PEX7: variants seen among roughly 807,000 people sequenced by gnomAD.
The protein encoded by PEX7 is peroxisomal biogenesis factor 7, also known as PTS2 receptor.
A neutral mutation model predicts 47.5 loss-of-function variants in PEX7; 34 were observed. The ratio of observed to expected loss-of-function variants is 0.72; its 90% CI spans 0.54 to 0.95. The LOEUF (loss-of-function observed/expected upper bound fraction) is 0.95, where lower values mean the gene tolerates loss of function less well. Among genes scored for constraint, PEX7 ranks in the 40% least tolerant of loss-of-function variants. The pLI is 0.00. For missense variants in PEX7, 394 were observed against 400.3 expected (o/e 0.98, Z 0.13); for synonymous variants, 141 against 148.8 (o/e 0.95, Z 0.38).
chr6:136,840,052 A>G (rs1298406359), intron 3 of PEX7, among the ~76,000 whole-genome samples: 2 of 152,208 alleles, frequency 1.3e-5, no homozygotes, highest in Admixed American at 1.3e-4. Flanking sequence ...GAGGCAAATG[A>G]AAGAGCATGC....
At chr6:136,881,648 G>C (rs1775378375) in intron 8 of PEX7, among the ~76,000 whole-genome samples, 1 of 152,134 alleles carries the variant, frequency 6.6e-6, no homozygotes, top group Non-Finnish European at 1.5e-5. Flanking sequence ...ATGTATTTAA[G>C]TACCCCTAAA....
At chr6:136,891,765 C>G (rs1255015052) in intron 8 of PEX7, among the ~76,000 whole-genome samples, 1 of 151,960 alleles carries the variant, frequency 6.6e-6, no homozygotes, top group African/African-American at 2.4e-5. Flanking sequence ...CTCAGCCTCC[C>G]AAGTAGCTGG....
intron 3 of PEX7, among the ~76,000 whole-genome samples, chr6:136,840,796 C>T (rs1003503536): frequency 6.6e-6 from 1 of 152,138 alleles, no homozygotes; most frequent in Admixed American, 6.5e-5. Flanking sequence ...CAAGCTTGTT[C>T]CCTGTTAAGG....
chr6:136,884,571 T>C (rs1356196147), intron 8 of PEX7, among the ~76,000 whole-genome samples: 7 of 152,190 alleles, frequency 4.6e-5, no homozygotes, highest in African/African-American at 1.4e-4. Context: ...GTGGGTGTTA[T>C]ATCAAAACTG....
chr6:136,864,589 C>T (rs1003792572), intron 5 of PEX7, among the ~76,000 whole-genome samples: 10 of 151,988 alleles, frequency 6.6e-5, no homozygotes, highest in African/African-American at 1.5e-4. Flanking sequence ...AAGCAACTTC[C>T]GAAGAAGCCA....
chr6:136,870,845 C>T (rs561413672), intron 7 of PEX7: 7 of 284,986 alleles, frequency 2.5e-5, no homozygotes, highest in Non-Finnish European at 4.2e-5. Flanking sequence ...TACAGGTGTG[C>T]ACCACCATGC....
intron 2 of PEX7, among the ~76,000 whole-genome samples, chr6:136,825,670 A>G (rs1171004526): frequency 6.6e-6 from 1 of 151,870 alleles, no homozygotes; most frequent in Admixed American, 6.6e-5. Context: ...AGTAGCTGGG[A>G]TTATAGGTGC....
chr6:136,840,265 A>G (rs1410819213), intron 3 of PEX7, among the ~76,000 whole-genome samples: 1 of 152,222 alleles, frequency 6.6e-6, no homozygotes, highest in Non-Finnish European at 1.5e-5. Context: ...CTATACCATT[A>G]GCGTCCCCTG....
intron 9 of PEX7, among the ~76,000 whole-genome samples, chr6:136,903,145 A>T (rs1342131875): frequency 1.3e-5 from 2 of 152,132 alleles, no homozygotes; most frequent in Non-Finnish European, 2.9e-5. Flanking sequence ...TTAAGTGTAC[A>T]GCTCAATTAG....
intron 8 of PEX7, among the ~76,000 whole-genome samples, chr6:136,885,967 A>C (rs1314577653): frequency 2.0e-5 from 3 of 152,182 alleles, no homozygotes; most frequent in Non-Finnish European, 4.4e-5. Context: ...GATGGTTAGA[A>C]GAGCTAATAT....
intron 5 of PEX7, among the ~76,000 whole-genome samples, chr6:136,847,912 T>C (rs1365422675): frequency 6.6e-6 from 1 of 152,234 alleles, no homozygotes; most frequent in Admixed American, 6.5e-5. Context: ...GGGGATGGCA[T>C]TGAATCTATA....
chr6:136,910,534 T>A (rs1402579093), intron 9 of PEX7, among the ~76,000 whole-genome samples: 3 of 152,096 alleles, frequency 2.0e-5, no homozygotes, highest in Admixed American at 6.6e-5. Flanking sequence ...AGAAATGAAA[T>A]GGGAACAACC....
At chr6:136,908,978 TG>T (rs1313584694) in intron 9 of PEX7, among the ~76,000 whole-genome samples, 1 of 152,194 alleles carries the variant, frequency 6.6e-6, no homozygotes, top group Non-Finnish European at 1.5e-5. Flanking sequence ...TCGATTATAA[TG>T]GCCCCTTGCC....
intron 1 of PEX7, chr6:136,823,411 C>T: frequency 1.1e-6 from 1 of 944,100 alleles, no homozygotes. Flanking sequence ...TAATTGTCTC[C>T]CGTCGCGCGC....
chr6:136,889,002 A>T (rs887920543), intron 8 of PEX7, among the ~76,000 whole-genome samples: 2 of 152,128 alleles, frequency 1.3e-5, no homozygotes, highest in East Asian at 3.8e-4. Context: ...ACAGATAAAC[A>T]TTTTTATTTT....
chr6:136,823,072 C>T (rs1232583281), intron 1 of PEX7: 1 of 985,310 alleles, frequency 1.0e-6, no homozygotes, highest in Non-Finnish European at 1.2e-6. Context: ...GCGCTGCCTC[C>T]GCCACGTGTC....
chr6:136,898,254 A>G lies in PEX7; in HGVS notation c.903+13A>G, dbSNP rs780555523. 4.4e-5 allele frequency: 63 copies of G among 1,429,464 alleles called. 1 individual carries two copies. In the Admixed American group the frequency reaches 1.0e-3, roughly 23 times the overall value. The allele number at this position is 1,429,464 out of a possible 1,614,324, so 88.5% of individuals were successfully genotyped here. ...GAGCCCCACTCAGGTAACGGATACA[A>G]TCTCATGATATTCTCTTCTGCCCAA... On this transcript the variant is annotated intron_variant, in intron 9 of 9. Coordinates refer to ENST00000318471, the MANE Select transcript of PEX7 (RefSeq NM_000288.4).
In PEX7 at chr6:136,833,190, A is replaced by G. The variant is rs560089456; in HGVS notation, c.339+6721A>G. On this transcript the variant is annotated intron_variant, in intron 3 of 9. Transcript: ENST00000318471. ...CTGGGGAGGCCTTAGGAAACTTACA[A>G]TCATGGTGGAAGCAGACACCTTCTT... Among the ~76,000 whole-genome samples, 7 of 152,298 alleles carry G rather than the reference A, an allele frequency of 4.6e-5. No individual in the cohort carries two copies. The South Asian group carries it at 8.3e-4, about 18-fold the overall frequency.
chr6:136,888,579 A>G lies in PEX7; in HGVS notation c.804-9563A>G, dbSNP rs577628005. ...AATATTTGCATTCCCCGATTTGTGT[A>G]ATCCTTGCAAGGATATTTTAGTACT... On this transcript the variant is annotated intron_variant, in intron 8 of 9. Transcript: ENST00000318471. 2.6e-5 allele frequency among the ~76,000 whole-genome samples: 4 copies of G among 152,270 alleles called. No homozygotes were observed. In the East Asian group the frequency reaches 7.7e-4, roughly 29 times the overall value.
Sources: allele counts gnomAD v4.1 joint callset (sites outside exome capture counted in the v4.1 genomes callset), GRCh38; gene constraint gnomAD v4.1.1; transcripts MANE v1.5; gene names NCBI Gene and HGNC (gene_info 2026-07-23, HGNC 2026-07-21).